PTPRD: variants seen among roughly 807,000 people sequenced by gnomAD.
PTPRD encodes the protein protein tyrosine phosphatase receptor type D.
Under a neutral mutation model 214.5 loss-of-function variants are expected in PTPRD, and 34 were observed. The observed-to-expected ratio is 0.16, with a 90% CI of 0.12 to 0.21. PTPRD has a LOEUF of 0.21. Among genes scored for constraint, PTPRD ranks in the 10% least tolerant of loss-of-function variants. The pLI is 1.00. For missense variants in PTPRD, 2,545 were observed against 2,398.7 expected (o/e 1.06, Z -1.27); for synonymous variants, 1,128 against 845.7 (o/e 1.33, Z -5.79).
At chr9:8,524,779 C>CT in intron 18 of PTPRD, 146 bp downstream of exon 18, 1 of 784,490 alleles carries the variant, frequency 1.3e-6, no homozygotes, top group Non-Finnish European at 2.3e-6. Context: ...AAATTTTTAA[C>CT]TTTTCTATTT....
At chr9:9,726,924 G>A (rs1012596883) in intron 7 of PTPRD, among the ~76,000 whole-genome samples, 1 of 152,032 alleles carries the variant, frequency 6.6e-6, no homozygotes, top group African/African-American at 2.4e-5. Context: ...GAGTACCCAA[G>A]GTTTTGTTAA....
chr9:9,645,970 AT>A (rs2096148597), intron 7 of PTPRD, among the ~76,000 whole-genome samples: 1 of 151,784 alleles, frequency 6.6e-6, no homozygotes, highest in South Asian at 2.1e-4. Flanking sequence ...AATGCACAAC[AT>A]TTTCTTCTAT....
At chr9:9,545,285 CCT>C (rs1402941377) in intron 8 of PTPRD, among the ~76,000 whole-genome samples, 2 of 151,826 alleles carry the variant, frequency 1.3e-5, no homozygotes, top group East Asian at 3.9e-4. Flanking sequence ...TGCTAAAAAT[CCT>C]CTGTGCTGTG....
intron 26 of PTPRD, 81 bp downstream of exon 26, chr9:8,497,161 A>G: frequency 8.2e-7 from 1 of 1,217,624 alleles, no homozygotes; most frequent in Non-Finnish European, 1.2e-6. Flanking sequence ...CTGTGATGAC[A>G]GATCACAAAT....
At chr9:8,919,255 T>A (rs1427630540) in intron 11 of PTPRD, among the ~76,000 whole-genome samples, 2 of 151,956 alleles carry the variant, frequency 1.3e-5, no homozygotes, top group Non-Finnish European at 1.5e-5. Flanking sequence ...TAGCTGGGCG[T>A]GGTGGTGCAC....
chr9:9,865,458 C>G (rs1404968930), intron 5 of PTPRD, among the ~76,000 whole-genome samples: 1 of 152,136 alleles, frequency 6.6e-6, no homozygotes, highest in Non-Finnish European at 1.5e-5. Context: ...TGCTCAGCCC[C>G]TTTGCCATGT....
At chr9:10,356,900 C>G (rs2097289709) in intron 2 of PTPRD, among the ~76,000 whole-genome samples, 1 of 151,878 alleles carries the variant, frequency 6.6e-6, no homozygotes. Context: ...AGGATGGTCT[C>G]AAACTCCTGA....
intron 13 of PTPRD, 75 bp downstream of exon 13, chr9:8,636,624 A>G: frequency 1.3e-6 from 2 of 1,540,390 alleles, no homozygotes; most frequent in Non-Finnish European, 1.8e-6. Flanking sequence ...AGAGTAAAGC[A>G]AGCAAGTAAC....
At chr9:9,848,853 T>C (rs921229973) in intron 5 of PTPRD, among the ~76,000 whole-genome samples, 6 of 152,178 alleles carry the variant, frequency 3.9e-5, no homozygotes, top group Admixed American at 2.6e-4. Context: ...AAGTATTAAA[T>C]GTAAATCAAT....
intron 8 of PTPRD, among the ~76,000 whole-genome samples, chr9:9,523,684 G>C (rs942269689): frequency 6.6e-6 from 1 of 152,112 alleles, no homozygotes; most frequent in African/African-American, 2.4e-5. Context: ...TGAGGCACTT[G>C]ACACTCTTGA....
intron 12 of PTPRD, among the ~76,000 whole-genome samples, chr9:8,696,443 CTT>C (rs965110766): frequency 2.0e-5 from 3 of 152,128 alleles, no homozygotes; most frequent in African/African-American, 7.2e-5. Flanking sequence ...TCCCTCCAGT[CTT>C]GGGGTGGGGG....
At chr9:10,380,332 T>C (rs2097795259) in intron 2 of PTPRD, among the ~76,000 whole-genome samples, 2 of 152,096 alleles carry the variant, frequency 1.3e-5, no homozygotes. Flanking sequence ...GCAAACCATG[T>C]ACAATGCATT....
chr9:8,792,357 T>G (rs2096264743), intron 11 of PTPRD, among the ~76,000 whole-genome samples: 1 of 152,210 alleles, frequency 6.6e-6, no homozygotes, highest in African/African-American at 2.4e-5. Context: ...TTAAAAATGA[T>G]AATAAATGCA....
At chr9:10,394,957 C>CTTTTTT (rs34786789) in intron 2 of PTPRD, among the ~76,000 whole-genome samples, 64 of 133,116 alleles carry the variant, frequency 4.8e-4, no homozygotes, top group East Asian at 1.4e-3. Flanking sequence ...TTTTCTTTTT[C>CTTTTTT]TTTTTTTTTT....
At chr9:9,739,436 C>G (rs1319986423) in intron 6 of PTPRD, among the ~76,000 whole-genome samples, 1 of 152,030 alleles carries the variant, frequency 6.6e-6, no homozygotes, top group Non-Finnish European at 1.5e-5. Context: ...CGCTTCTCAT[C>G]TTTGCTAAGT....
chr9:10,117,778 A>G (rs2098743108), intron 3 of PTPRD, among the ~76,000 whole-genome samples: 1 of 152,004 alleles, frequency 6.6e-6, no homozygotes, highest in Admixed American at 6.6e-5. Flanking sequence ...TCATGTCAGA[A>G]GATTAAAAAA....
chr9:9,759,243 T>C (rs2098627016), intron 6 of PTPRD, among the ~76,000 whole-genome samples: 2 of 152,192 alleles, frequency 1.3e-5, no homozygotes, highest in Admixed American at 6.5e-5. Flanking sequence ...AGTCAGTCTG[T>C]ACTGGTAATG....
chr9:8,507,488 A>T, intron 21 of PTPRD, 54 bp from the exon 22 acceptor site: 2 of 1,609,210 alleles, frequency 1.2e-6, no homozygotes, highest in Non-Finnish European at 1.7e-6. Flanking sequence ...GTATTCACAA[A>T]GTTCTTCCAT....
intron 5 of PTPRD, among the ~76,000 whole-genome samples, chr9:9,786,825 C>G (rs1768879): frequency 0.64 from 97,672 of 151,972 alleles, 32,106 homozygotes; most frequent in Middle Eastern, 0.81. Context: ...CATCTTAATA[C>G]TAATTTTTAT....
Sources: allele counts gnomAD v4.1 joint callset (sites outside exome capture counted in the v4.1 genomes callset), GRCh38; gene constraint gnomAD v4.1.1; transcripts MANE v1.5; gene names NCBI Gene and HGNC (gene_info 2026-07-23, HGNC 2026-07-21).